DNAJA3: variants seen among roughly 807,000 people sequenced by gnomAD.
The protein encoded by DNAJA3 is DnaJ heat shock protein family (Hsp40) member A3, also known as dnaJ homolog subfamily A member 3, mitochondrial.
DNAJA3 carries 29 observed loss-of-function variants against 54.9 expected under a neutral mutation model. The ratio of observed to expected loss-of-function variants is 0.53; its 90% CI spans 0.39 to 0.72. DNAJA3 has a LOEUF of 0.72. DNAJA3 is among the 30% of genes least tolerant of loss of function. The pLI is 0.00. For missense variants in DNAJA3, 708 were observed against 639.4 expected, an observed-to-expected ratio of 1.11 and a Z score of -1.16; for synonymous variants, 302 against 251.4, an observed-to-expected ratio of 1.20 and a Z score of -1.90.
chr16:4,425,895 G>C lies in DNAJA3; in HGVS notation c.14G>C (p.Cys5Ser), dbSNP rs374995696. 9.7e-6 allele frequency: 15 copies of C among 1,540,282 alleles called. No individual in the cohort carries two copies. In the African/African-American group the frequency reaches 1.1e-4, roughly 11 times the overall value. ...CCCCGGGCCAAGATGGCTGCGCGGT[G>C]CTCCACACGCTGGTTGCTGGTGGTT... MAARCSTRWLLVVVG... is the reference protein window; with the variant it reads MAARSSTRWLLVVVG... Residue 5 changes from cysteine (C) to serine (S), a missense_variant, in exon 1 of 12, where the codon TGC becomes TCC. Coordinates refer to ENST00000262375, the MANE Select transcript of DNAJA3 (RefSeq NM_005147.6).
chr16:4,437,347 C>T (rs2056783700), intron 2 of DNAJA3, 55 bp from the exon 3 acceptor site: 1 of 1,446,578 alleles, frequency 6.9e-7, no homozygotes, highest in African/African-American at 1.4e-5. Context: ...TTTGTTGTTT[C>T]TGGTATTTGG....
chr16:4,436,912 C>T (rs1335553354), intron 2 of DNAJA3, among the ~76,000 whole-genome samples: 1 of 152,118 alleles, frequency 6.6e-6, no homozygotes, highest in Non-Finnish European at 1.5e-5. Flanking sequence ...GGCAAAGATA[C>T]ATCAGAATCA....
At chr16:4,444,309 A>G (rs2056875145) in intron 6 of DNAJA3, among the ~76,000 whole-genome samples, 1 of 151,934 alleles carries the variant, frequency 6.6e-6, no homozygotes, top group Non-Finnish European at 1.5e-5. Flanking sequence ...GAGGTCTCAC[A>G]ATAACTGCTC....
At chr16:4,432,630 C>T (rs2056718890) in intron 1 of DNAJA3, among the ~76,000 whole-genome samples, 1 of 152,124 alleles carries the variant, frequency 6.6e-6, no homozygotes, top group Non-Finnish European at 1.5e-5. Context: ...GCAGGAGCCA[C>T]CATACCCGGC....
chr16:4,455,416 C>T (rs2057024316), intron 11 of DNAJA3, 130 bp from the exon 12 acceptor site: 4 of 1,096,600 alleles, frequency 3.6e-6, no homozygotes, highest in Middle Eastern at 2.2e-4. Flanking sequence ...TTATTATGCT[C>T]ATCTCAGCAA....
rs575023954 is a variant in DNAJA3 at position 4,451,113 on chromosome 16, A to G, written c.1339+616A>G. Among the ~76,000 whole-genome samples, 8 of 152,258 alleles carry G rather than the reference A, an allele frequency of 5.3e-5. No individual in the cohort carries two copies. In the South Asian group the frequency reaches 1.7e-3, roughly 32 times the overall value. ...GAACACCTGCTGTGGGCGCTGAGAC[A>G]ATGGCACCCCAGCTGCAGCCCCTCT... is the stretch of plus-strand genomic sequence containing the variant. On this transcript the variant is annotated intron_variant, in intron 10 of 11. Transcript: ENST00000262375.
chr16:4,442,863 G>A, intron 5 of DNAJA3, 154 bp from the exon 6 acceptor site: 2 of 735,556 alleles, frequency 2.7e-6, no homozygotes, highest in Admixed American at 2.9e-5. Context: ...ACAGATTGAG[G>A]CCCTGCACCT....
In DNAJA3 at chr16:4,446,109, A is replaced by G. The variant is rs139498106; in HGVS notation, c.997-777A>G. On this transcript the variant is annotated intron_variant, in intron 7 of 11. Transcript: ENST00000262375. ...GGTAATTTTTGTATTTTTAGTAGAGATGGGGTTTCACCATGTTGGCAGGCT... is the reference window on the plus strand; with the variant it reads ...GGTAATTTTTGTATTTTTAGTAGAGGTGGGGTTTCACCATGTTGGCAGGCT... Among the ~76,000 whole-genome samples, 1,447 of 150,006 alleles carry G rather than the reference A, an allele frequency of 9.6e-3. 25 individuals carry two copies. Among genetic ancestry groups the G allele is most frequent in the African/African-American group, 0.032 (1,318 of 40,716 alleles).
chr16:4,429,367 G>C (rs1390470274), intron 1 of DNAJA3, among the ~76,000 whole-genome samples: 1 of 152,070 alleles, frequency 6.6e-6, no homozygotes, highest in Non-Finnish European at 1.5e-5. Flanking sequence ...GGGACTACAG[G>C]CACGTGCCAC....
chr16:4,436,646 C>CT, intron 2 of DNAJA3, among the ~76,000 whole-genome samples: 1 of 151,752 alleles, frequency 6.6e-6, no homozygotes, highest in East Asian at 2.0e-4. Context: ...AGCAATTCTC[C>CT]TGCCTCAGCC....
chr16:4,438,643 T>TC (rs1280371755), intron 3 of DNAJA3, among the ~76,000 whole-genome samples: 3 of 148,500 alleles, frequency 2.0e-5, no homozygotes, highest in Non-Finnish European at 4.5e-5. Context: ...TTCTTTTTTT[T>TC]TTTTTTTTTT....
At chr16:4,428,778 C>G (rs569701306) in intron 1 of DNAJA3, among the ~76,000 whole-genome samples, 3 of 152,170 alleles carry the variant, frequency 2.0e-5, no homozygotes, top group Admixed American at 6.5e-5. Flanking sequence ...TGGCTCACGA[C>G]TGTAATTCCA....
chr16:4,428,815 G>A (rs913788929), intron 1 of DNAJA3, among the ~76,000 whole-genome samples: 1 of 152,012 alleles, frequency 6.6e-6, no homozygotes, highest in Non-Finnish European at 1.5e-5. Context: ...GAGGCAGGAG[G>A]ATCACATGAG....
At chr16:4,434,256 T>A in intron 1 of DNAJA3, 128 bp from the exon 2 acceptor site, 4 of 1,036,164 alleles carry the variant, frequency 3.9e-6, no homozygotes, top group Non-Finnish European at 5.6e-6. Context: ...GAGATCTGGG[T>A]GGGGACACAG....
chr16:4,437,490 T>C lies in DNAJA3; in HGVS notation c.429+5T>C, dbSNP rs758333681. 13 of 1,613,058 alleles carry C rather than the reference T, an allele frequency of 8.1e-6. No homozygotes were observed. The South Asian group carries it at 1.4e-4, about 18-fold the overall frequency. ...CAGCTGGCAGAAGCCTATGAGGTAA[T>C]ATGACTTCGGTGCATGCGGTCACTG... On this transcript the variant is annotated splice_donor_5th_base_variant and intron_variant, in intron 3 of 11. Coordinates refer to ENST00000262375, the MANE Select transcript of DNAJA3 (RefSeq NM_005147.6).
chr16:4,454,043 C>G (rs540047212), intron 10 of DNAJA3, among the ~76,000 whole-genome samples: 2 of 152,170 alleles, frequency 1.3e-5, no homozygotes, highest in Non-Finnish European at 2.9e-5. Flanking sequence ...TCAGCCTGGG[C>G]CCTAAAGAAA....
intron 10 of DNAJA3, among the ~76,000 whole-genome samples, chr16:4,453,508 G>A (rs1258746960): frequency 1.3e-5 from 2 of 151,924 alleles, no homozygotes; most frequent in Non-Finnish European, 2.9e-5. Flanking sequence ...CGTGATCTCG[G>A]CTCACTGCAA....
intron 10 of DNAJA3, 107 bp from the exon 11 acceptor site, chr16:4,454,704 T>C: frequency 6.6e-6 from 5 of 757,090 alleles, no homozygotes; most frequent in Non-Finnish European, 1.1e-5. Flanking sequence ...CTTGGCCGCT[T>C]CTTGAACGTG....
intron 9 of DNAJA3, chr16:4,449,474 A>T (rs1048518719): frequency 2.0e-5 from 3 of 146,798 alleles, no homozygotes; most frequent in African/African-American, 7.6e-5. Context: ...CCTCCTCCCC[A>T]GTTCAAATGA....
Sources: allele counts gnomAD v4.1 joint callset (sites outside exome capture counted in the v4.1 genomes callset), GRCh38; gene constraint gnomAD v4.1.1; transcripts MANE v1.5; gene names NCBI Gene and HGNC (gene_info 2026-07-23, HGNC 2026-07-21).